GPC6: variants seen among roughly 807,000 people sequenced by gnomAD.
GPC6 encodes the protein glypican-6.
A neutral mutation model predicts 55.2 loss-of-function variants in GPC6; 14 were observed. The ratio of observed to expected loss-of-function variants is 0.25; its 90% CI spans 0.17 to 0.40. The LOEUF is 0.40. GPC6 is among the 10% of genes least tolerant of loss of function. The pLI is 1.00. For synonymous variants in GPC6, 278 were observed against 259.6 expected, an observed-to-expected ratio of 1.07 and a Z score of -0.68; for missense variants, 641 against 708.5, an observed-to-expected ratio of 0.90 and a Z score of 1.08.
chr13:93,489,151 G>C (rs1418072645), intron 1 of GPC6, among the ~76,000 whole-genome samples: 1 of 151,496 alleles, frequency 6.6e-6, no homozygotes, highest in South Asian at 2.1e-4. Context: ...TTTTGTATAA[G>C]GTGTAAGGAA....
chr13:94,337,521 CA>C, intron 6 of GPC6, among the ~76,000 whole-genome samples: 1 of 151,784 alleles, frequency 6.6e-6, no homozygotes, highest in South Asian at 2.1e-4. Flanking sequence ...AATCTCAGCT[CA>C]CCACAACCTC....
At chr13:94,243,957 A>G (rs77311657) in intron 4 of GPC6, among the ~76,000 whole-genome samples, 4,412 of 152,230 alleles carry the variant, frequency 0.029, 218 homozygotes, top group African/African-American at 0.093. Flanking sequence ...AGCTGCCCCT[A>G]TAAATGGATG....
At chr13:93,710,016 C>T (rs950499368) in intron 2 of GPC6, among the ~76,000 whole-genome samples, 1 of 151,764 alleles carries the variant, frequency 6.6e-6, no homozygotes, top group Admixed American at 6.6e-5. Flanking sequence ...TAGCTTACTT[C>T]CCCTTGCTTG....
At chr13:93,860,138 C>A (rs1013563167) in intron 3 of GPC6, among the ~76,000 whole-genome samples, 34 of 151,652 alleles carry the variant, frequency 2.2e-4, no homozygotes, top group African/African-American at 8.0e-4. Context: ...CTCATGGAGT[C>A]ATCTTGGGCC....
chr13:93,688,294 G>T (rs1882123176), intron 2 of GPC6, among the ~76,000 whole-genome samples: 1 of 152,008 alleles, frequency 6.6e-6, no homozygotes, highest in African/African-American at 2.4e-5. Context: ...GTTGAGAGAA[G>T]AATGAGTAGA....
At chr13:93,254,554 A>G (rs1385750605) in intron 1 of GPC6, among the ~76,000 whole-genome samples, 2 of 152,166 alleles carry the variant, frequency 1.3e-5, no homozygotes, top group Non-Finnish European at 2.9e-5. Context: ...AAAAGGTGAA[A>G]ACAAGTTGGC....
intron 1 of GPC6, among the ~76,000 whole-genome samples, chr13:93,356,874 T>C (rs1880866129): frequency 6.6e-6 from 1 of 152,162 alleles, no homozygotes; most frequent in Non-Finnish European, 1.5e-5. Flanking sequence ...GGTGCAAGGA[T>C]GAAATGTGTA....
At chr13:93,389,700 T>C (rs1875543995) in intron 1 of GPC6, among the ~76,000 whole-genome samples, 1 of 151,876 alleles carries the variant, frequency 6.6e-6, no homozygotes, top group Non-Finnish European at 1.5e-5. Flanking sequence ...CACAGGTAGT[T>C]TACTATATCT....
intron 1 of GPC6, among the ~76,000 whole-genome samples, chr13:93,369,614 C>T (rs1296180280): frequency 3.3e-5 from 5 of 152,072 alleles, no homozygotes; most frequent in Non-Finnish European, 7.4e-5. Context: ...AGGTGATAAT[C>T]ATGTTTGGAT....
At chr13:93,513,459 A>G (rs776906995) in intron 1 of GPC6, among the ~76,000 whole-genome samples, 8 of 152,130 alleles carry the variant, frequency 5.3e-5, no homozygotes, top group Non-Finnish European at 1.2e-4. Context: ...TACTATTGTC[A>G]CCTTATATTG....
At chr13:93,783,444 C>G (rs1340773516) in intron 2 of GPC6, among the ~76,000 whole-genome samples, 1 of 152,114 alleles carries the variant, frequency 6.6e-6, no homozygotes, top group Non-Finnish European at 1.5e-5. Flanking sequence ...TACCCTCCCA[C>G]CAACAGTGTA....
intron 2 of GPC6, among the ~76,000 whole-genome samples, chr13:93,825,860 C>CTTTTTTTTTTTTTTT (rs1029574657): frequency 8.1e-6 from 1 of 124,184 alleles, no homozygotes; most frequent in Non-Finnish European, 1.7e-5. Context: ...TTATTATTTT[C>CTTTTTTTTTTTTTTT]TTTTTTTTTT....
At chr13:93,376,896 G>A (rs376073924) in intron 1 of GPC6, among the ~76,000 whole-genome samples, 10 of 151,254 alleles carry the variant, frequency 6.6e-5, no homozygotes, top group South Asian at 2.1e-4. Flanking sequence ...TGCTTCATTC[G>A]TGAATGCTTA....
intron 2 of GPC6, among the ~76,000 whole-genome samples, chr13:93,674,090 T>C (rs1412089718): frequency 6.6e-6 from 1 of 152,018 alleles, no homozygotes; most frequent in Non-Finnish European, 1.5e-5. Flanking sequence ...GCAGTAGAGA[T>C]AACCACGTAA....
chr13:93,605,842 TAAA>T (rs1193693750), intron 2 of GPC6, among the ~76,000 whole-genome samples: 5 of 65,894 alleles, frequency 7.6e-5, no homozygotes, highest in Admixed American at 1.9e-4. Context: ...ACCGTCTCAA[TAAA>T]AAAAAAAAAA....
chr13:94,014,652 G>T (rs1161046897), intron 3 of GPC6, among the ~76,000 whole-genome samples: 1 of 151,982 alleles, frequency 6.6e-6, no homozygotes, highest in Non-Finnish European at 1.5e-5. Context: ...GAAAACTTAG[G>T]CCCATCAGCA....
intron 2 of GPC6, among the ~76,000 whole-genome samples, chr13:93,630,387 A>G (rs1049020864): frequency 2.0e-5 from 3 of 152,168 alleles, no homozygotes; most frequent in Admixed American, 1.3e-4. Context: ...TCATCTGAAT[A>G]ATGAGCTAGG....
chr13:93,450,829 C>T (rs749355515), intron 1 of GPC6: 39 of 319,108 alleles, frequency 1.2e-4, no homozygotes, highest in Middle Eastern at 1.5e-3. Context: ...ATCCTGAGGA[C>T]ATATGAAGTC....
chr13:93,243,767 A>T (rs1009703196), intron 1 of GPC6, among the ~76,000 whole-genome samples: 1 of 152,116 alleles, frequency 6.6e-6, no homozygotes, highest in Non-Finnish European at 1.5e-5. Context: ...GTGTTAGCTG[A>T]GGTCAAAGAA....
Sources: allele counts gnomAD v4.1 joint callset (sites outside exome capture counted in the v4.1 genomes callset), GRCh38; gene constraint gnomAD v4.1.1; transcripts MANE v1.5; gene names NCBI Gene and HGNC (gene_info 2026-07-23, HGNC 2026-07-21).